The following TUB variants were observed in gnomAD, a reference collection of about 807,000 sequenced individuals.
The protein encoded by TUB is tubby protein homolog.
TUB carries 33 observed loss-of-function variants against 59.7 expected under a neutral mutation model. The observed-to-expected ratio is 0.55, with a 90% CI of 0.42 to 0.74. TUB has a LOEUF of 0.74. TUB is among the 30% of genes least tolerant of loss of function. The pLI, the probability that TUB is intolerant of heterozygous loss-of-function variation, is 0.00. For synonymous variants in TUB, 293 were observed against 256.4 expected, an observed-to-expected ratio of 1.14 and a Z score of -1.36; for missense variants, 659 against 672.0, an observed-to-expected ratio of 0.98 and a Z score of 0.21.
At chr11:8,069,144 G>A (rs1174114073) in intron 2 of TUB, 2 of 152,248 alleles carry the variant, frequency 1.3e-5, no homozygotes, top group African/African-American at 4.8e-5. Context: ...GGGAGGAGTT[G>A]TGGTTGGAAT....
Position 8,105,715 on chromosome 11 carries a change from C to T in TUB, c.*4096C>T, listed in dbSNP as rs1348462029. ...ACTACCTTTATAGCTCTCATCACTA[C>T]CTTTATAGCTCATCACTGTGCCTTT... On this transcript the variant is annotated 3_prime_UTR_variant, in exon 12 of 12. Coordinates refer to ENST00000299506, the MANE Select transcript of TUB (RefSeq NM_177972.3). The T allele has an allele frequency of 6.6e-6, 1 of 152,154 alleles. No homozygotes were observed. Among genetic ancestry groups the T allele is most frequent in the African/African-American group, 2.4e-5 (1 of 41,438 alleles). The allele number at this position is 152,154 out of a possible 1,614,324, so 9.4% of individuals were successfully genotyped here. A position where few individuals can be genotyped will look rare whatever the true frequency, so the allele number is the denominator to read the frequency against.
chr11:8,103,331 G>A lies in TUB; in HGVS notation c.*1712G>A, dbSNP rs1944387887. 1 of 152,190 alleles carries A rather than the reference G, an allele frequency of 6.6e-6. No individual in the cohort carries two copies. The highest frequency in any genetic ancestry group is 2.1e-4 in the South Asian group (1 of 4,830). 9.4% of individuals were successfully genotyped at this position (152,190 alleles called of 1,614,324 possible). On this transcript the variant is annotated 3_prime_UTR_variant, in exon 12 of 12. Transcript: ENST00000299506. The stretch of plus-strand genomic sequence containing the variant: ...CCCAGATAGAGATCTGAAATTGGTG[G>A]GAAGCAAGCAGGGGTCGTACCTTGC...
chr11:8,038,728 CTG>C, exon 1 of TUB: 5 of 1,494,562 alleles, frequency 3.3e-6, no homozygotes, highest in Non-Finnish European at 3.6e-6. Context: ...GGTTGTTAGT[CTG>C]ACTGTTGCCA....
At chr11:8,026,116 A>G (rs1441279381) in intron 1 of TUB, among the ~76,000 whole-genome samples, 1 of 152,098 alleles carries the variant, frequency 6.6e-6, no homozygotes, top group Non-Finnish European at 1.5e-5. Context: ...TCTTCTTTGG[A>G]GAAGTTTCTG....
At chr11:8,044,631 G>T (rs1382447763) in intron 2 of TUB, among the ~76,000 whole-genome samples, 1 of 152,180 alleles carries the variant, frequency 6.6e-6, no homozygotes, top group Non-Finnish European at 1.5e-5. Flanking sequence ...AATTTAATTT[G>T]ATTCTGGTAC....
chr11:8,057,475 A>G (rs1254833407), intron 2 of TUB, among the ~76,000 whole-genome samples: 1 of 152,218 alleles, frequency 6.6e-6, no homozygotes, highest in African/African-American at 2.4e-5. Flanking sequence ...CTTCTAAACT[A>G]TATGTCTATG....
Position 8,100,608 on chromosome 11 carries a change from G to A in TUB, c.1215+7G>A, listed in dbSNP as rs769726925. 21 of 1,612,474 alleles carry A rather than the reference G, an allele frequency of 1.3e-5. 1 individual carries two copies. The South Asian group carries it at 1.5e-4, about 12-fold the overall frequency. On this transcript the variant is annotated splice_region_variant and intron_variant, in intron 10 of 11. Transcript: ENST00000299506. ...CTCTATCCGCCCCCGCAACGTGAGTGTCTACCCCTTCCTCCCCTCTTTCCC... is the reference window on the plus strand; with the variant it reads ...CTCTATCCGCCCCCGCAACGTGAGTATCTACCCCTTCCTCCCCTCTTTCCC...
chr11:8,078,975 C>T (rs554487891), upstream of TUB, among the ~76,000 whole-genome samples: 2 of 152,292 alleles, frequency 1.3e-5, no homozygotes, highest in African/African-American at 4.8e-5. Context: ...GGTTCCCCCA[C>T]ATCCCATGTA....
intron 1 of TUB, among the ~76,000 whole-genome samples, chr11:8,019,951 C>G (rs1942398006): frequency 1.3e-5 from 2 of 152,196 alleles, no homozygotes. Context: ...GCGCCCGCCC[C>G]GCGGGGATGG....
intron 2 of TUB, among the ~76,000 whole-genome samples, chr11:8,052,897 C>T (rs1350204276): frequency 6.6e-6 from 1 of 152,126 alleles, no homozygotes; most frequent in Non-Finnish European, 1.5e-5. Context: ...AATAGTTTTT[C>T]AGTTAATTTT....
intron 1 of TUB, among the ~76,000 whole-genome samples, chr11:8,088,417 C>T (rs1230464528): frequency 6.6e-6 from 1 of 152,208 alleles, no homozygotes; most frequent in Non-Finnish European, 1.5e-5. Context: ...GATGTGACCT[C>T]CTGTTTCCCC....
intron 1 of TUB, among the ~76,000 whole-genome samples, chr11:8,021,988 T>C (rs1030159121): frequency 6.6e-6 from 1 of 152,100 alleles, no homozygotes; most frequent in Admixed American, 6.5e-5. Flanking sequence ...TGGGTTTCTG[T>C]CTTCAGAACT....
chr11:8,090,017 C>G lies in TUB; in HGVS notation c.91-52C>G, dbSNP rs1020791707. ...CTGTGGACCCCCCGATAACTGGGAG[C>G]CCGCCCTTCCTGGTGGAGGCAGTGG... On this transcript the variant is annotated intron_variant, in intron 2 of 11. Transcript: ENST00000299506. 4.0e-6 allele frequency: 6 copies of G among 1,516,866 alleles called. No homozygotes were observed. The African/African-American group carries it at 6.9e-5, about 18-fold the overall frequency. 94.0% of individuals were successfully genotyped at this position (1,516,866 alleles called of 1,614,324 possible).
intron 1 of TUB, among the ~76,000 whole-genome samples, chr11:8,087,727 T>C (rs1589960286): frequency 2.0e-5 from 3 of 152,366 alleles, no homozygotes; most frequent in South Asian, 2.1e-4. Flanking sequence ...GGGCAAATGC[T>C]TTGACTTTGC....
rs2133925242 is a variant in TUB at position 8,102,178 on chromosome 11, G to C, written c.*559G>C. ...TTCAGAAGGCCTCACTCAAGCCTGA[G>C]AGAAGTTGGGAGGGTGGTGGGGACA... On this transcript the variant is annotated 3_prime_UTR_variant, in exon 12 of 12. Transcript: ENST00000299506. 1 of 152,696 alleles carries C rather than the reference G, an allele frequency of 6.5e-6. No homozygotes were observed. Among genetic ancestry groups the C allele is most frequent in the South Asian group, 2.1e-4 (1 of 4,832 alleles). The allele number at this position is 152,696 out of a possible 1,614,324, so 9.5% of individuals were successfully genotyped here.
In TUB at chr11:8,028,579, C is replaced by A. The variant is rs1942531240; in HGVS notation, c.56+9221C>A. Among the ~76,000 whole-genome samples, 3 of 152,176 alleles carry A rather than the reference C, an allele frequency of 2.0e-5. No individual in the cohort carries two copies. The South Asian group carries it at 6.2e-4, about 31-fold the overall frequency. On this transcript the variant is annotated intron_variant, in intron 1 of 11. Coordinates refer to the TUB transcript ENST00000534099. Reference sequence around the variant, plus strand: ...AGAGCTTGTATCTATGTCAGTGATCCATTTTGAGTTAATTTCTGTATATAG... The same window carrying A: ...AGAGCTTGTATCTATGTCAGTGATCAATTTTGAGTTAATTTCTGTATATAG...
At chr11:8,071,971 G>A (rs925263790) in intron 2 of TUB, among the ~76,000 whole-genome samples, 6 of 152,224 alleles carry the variant, frequency 3.9e-5, no homozygotes, top group African/African-American at 9.6e-5. Context: ...CCAGGGCCTC[G>A]TCCTGCTAAG....
intron 3 of TUB, among the ~76,000 whole-genome samples, chr11:8,093,622 T>G (rs1004520188): frequency 6.6e-6 from 1 of 152,158 alleles, no homozygotes; most frequent in Non-Finnish European, 1.5e-5. Context: ...CCTCGTAGGC[T>G]CCCTGGAGTG....
chr11:8,028,798 C>A (rs906374025), intron 1 of TUB, among the ~76,000 whole-genome samples: 5 of 151,706 alleles, frequency 3.3e-5, no homozygotes, highest in African/African-American at 1.2e-4. Context: ...TGCTTGGAGT[C>A]TAGGAGTTTG....
Sources: gnomAD v4.1 joint callset for allele counts (sites outside exome capture counted in the v4.1 genomes callset) on GRCh38, gnomAD v4.1.1 for gene constraint, MANE v1.5 for transcripts, NCBI Gene and HGNC (gene_info 2026-07-23, HGNC 2026-07-21) for gene names.